Variants in UHRF2 observed in about 807,000 individuals in gnomAD.
UHRF2 encodes the protein E3 ubiquitin-protein ligase UHRF2.
A neutral mutation model predicts 96.8 loss-of-function variants in UHRF2; 23 were observed. That is an observed-to-expected ratio of 0.24 (90% confidence interval 0.17 to 0.34). The LOEUF (loss-of-function observed/expected upper bound fraction) is 0.34, where lower values mean the gene tolerates loss of function less well. Ranked by LOEUF, UHRF2 falls within the 10% of genes least tolerant of loss-of-function variation. The probability of loss-of-function intolerance (pLI) is 1.00; values close to 1 mark genes in which losing one functional copy is unlikely to be tolerated. For missense variants in UHRF2, 685 were observed against 981.5 expected (o/e 0.70, Z 4.04); for synonymous variants, 385 against 332.6 (o/e 1.16, Z -1.72).
intron 3 of UHRF2, among the ~76,000 whole-genome samples, chr9:6,450,134 A>G (rs1205233053): frequency 1.3e-5 from 2 of 152,222 alleles, no homozygotes; most frequent in East Asian, 1.9e-4. Context: ...TGTAACAACA[A>G]ATGTCACATA....
chr9:6,437,888 A>G (rs1216048330), intron 3 of UHRF2, among the ~76,000 whole-genome samples: 2 of 152,156 alleles, frequency 1.3e-5, no homozygotes, highest in Non-Finnish European at 2.9e-5. Flanking sequence ...GCGAGATTAC[A>G]GGTGTGAGCC....
chr9:6,460,613 C>G lies in UHRF2; in HGVS notation c.685C>G (p.Leu229Val). The G allele has an allele frequency of 1.2e-6, 2 of 1,611,430 alleles. No homozygotes were observed. Among genetic ancestry groups the G allele is most frequent in the African/African-American group, 1.3e-5 (1 of 74,978 alleles). ...TACTCTAGAAATGAATGTCAAGGAT[C>G]TTAGACCACGAGCTAGAACCATTTT... ...SGTLEMNVKDLRPRARTILKW... is the reference protein window; with the variant it reads ...SGTLEMNVKDVRPRARTILKW... Residue 229 changes from leucine (L) to valine (V), a missense_variant, in exon 4 of 16, where the codon CTT (leucine) becomes GTT (valine). Leu to Val is a conservative substitution (Grantham distance 32, BLOSUM62 1). Coordinates refer to ENST00000276893, the MANE Select transcript of UHRF2 (RefSeq NM_152896.3).
chr9:6,442,809 G>A (rs981001867), intron 3 of UHRF2, among the ~76,000 whole-genome samples: 1 of 152,086 alleles, frequency 6.6e-6, no homozygotes, highest in African/African-American at 2.4e-5. Flanking sequence ...ACTTCATGAT[G>A]ATATGGTCTA....
intron 6 of UHRF2, among the ~76,000 whole-genome samples, chr9:6,479,468 A>C (rs1587853471): frequency 2.0e-5 from 3 of 151,030 alleles, no homozygotes; most frequent in East Asian, 1.9e-4. Flanking sequence ...ATCCACTCCC[A>C]CCCCCAACCC....
intron 3 of UHRF2, among the ~76,000 whole-genome samples, chr9:6,439,605 T>C (rs550302141): frequency 1.3e-5 from 2 of 152,350 alleles, no homozygotes; most frequent in East Asian, 3.9e-4. Flanking sequence ...TTTTTCTGGA[T>C]TGCTGTTCTA....
At chr9:6,470,475 A>C (rs1414343885) in intron 4 of UHRF2, among the ~76,000 whole-genome samples, 1 of 152,238 alleles carries the variant, frequency 6.6e-6, no homozygotes, top group Non-Finnish European at 1.5e-5. Flanking sequence ...CACCATCAAC[A>C]GACAGGCACT....
At chr9:6,461,529 C>T (rs1204241786) in intron 4 of UHRF2, among the ~76,000 whole-genome samples, 2 of 151,582 alleles carry the variant, frequency 1.3e-5, no homozygotes, top group East Asian at 1.9e-4. Flanking sequence ...TATGACACCA[C>T]GCCCACCTAA....
chr9:6,445,516 C>T (rs1407838333), intron 3 of UHRF2, among the ~76,000 whole-genome samples: 1 of 152,200 alleles, frequency 6.6e-6, no homozygotes, highest in South Asian at 2.1e-4. Flanking sequence ...CTGCCTCGGC[C>T]TCCCAAAGTT....
intron 6 of UHRF2, among the ~76,000 whole-genome samples, chr9:6,480,482 T>G (rs1044107228): frequency 2.0e-5 from 3 of 152,238 alleles, no homozygotes; most frequent in African/African-American, 7.2e-5. Flanking sequence ...GAAGAGTGTT[T>G]TGTATTACTC....
At chr9:6,474,350 G>T (rs1018946426) in intron 4 of UHRF2, among the ~76,000 whole-genome samples, 2 of 152,198 alleles carry the variant, frequency 1.3e-5, no homozygotes, top group Admixed American at 6.5e-5. Flanking sequence ...CTAGAGATAA[G>T]ATATTCAGTA....
At chr9:6,504,472 T>G (rs560143787) in intron 14 of UHRF2, 121 bp from the exon 15 acceptor site, 33 of 619,792 alleles carry the variant, frequency 5.3e-5, no homozygotes, top group Admixed American at 3.7e-4. Flanking sequence ...ATAAACATCT[T>G]TTATGCTGGG....
intron 8 of UHRF2, among the ~76,000 whole-genome samples, chr9:6,485,386 C>CT (rs914939002): frequency 7.9e-5 from 12 of 151,802 alleles, no homozygotes; most frequent in African/African-American, 2.9e-4. Context: ...CTTATATAGT[C>CT]TAAGATGACT....
At chr9:6,421,832 T>G (rs530519532) in intron 2 of UHRF2, among the ~76,000 whole-genome samples, 1 of 152,312 alleles carries the variant, frequency 6.6e-6, no homozygotes, top group African/African-American at 2.4e-5. Flanking sequence ...TTTTTGCTAC[T>G]TACGTATATT....
chr9:6,499,768 G>A (rs1158107670), intron 12 of UHRF2, 67 bp from the exon 13 acceptor site: 2 of 1,050,120 alleles, frequency 1.9e-6, no homozygotes, highest in Non-Finnish European at 2.7e-6. Flanking sequence ...TTCTCACCAG[G>A]ATCTAAACCC....
At chr9:6,495,389 G>A (rs574086480) in intron 10 of UHRF2, 2 of 152,154 alleles carry the variant, frequency 1.3e-5, no homozygotes, top group Non-Finnish European at 2.9e-5. Context: ...TTGTGAATAC[G>A]CCTTGTGATT....
At chr9:6,494,995 T>G (rs1319209417) in intron 10 of UHRF2, 1 of 152,228 alleles carries the variant, frequency 6.6e-6, no homozygotes, top group Non-Finnish European at 1.5e-5. Context: ...GCTATTCTTT[T>G]CTAGCAAGAA....
chr9:6,462,010 AT>A (rs1157814751), intron 4 of UHRF2, among the ~76,000 whole-genome samples: 1 of 151,826 alleles, frequency 6.6e-6, no homozygotes, highest in East Asian at 1.9e-4. Context: ...AAAAAAAAAA[AT>A]AAGAGAAACA....
At chr9:6,413,749 C>T in intron 1 of UHRF2, 106 bp downstream of exon 1, 1 of 1,278,998 alleles carries the variant, frequency 7.8e-7, no homozygotes, top group Non-Finnish European at 1.0e-6. Flanking sequence ...GCAGGGCTCA[C>T]CTGGCTCCGC....
At chr9:6,439,112 T>G (rs1366075011) in intron 3 of UHRF2, among the ~76,000 whole-genome samples, 1 of 152,236 alleles carries the variant, frequency 6.6e-6, no homozygotes, top group Non-Finnish European at 1.5e-5. Context: ...TTGAAATGTT[T>G]TAAAATTTGA....
Sources: gnomAD v4.1 joint callset for allele counts (sites outside exome capture counted in the v4.1 genomes callset) on GRCh38, gnomAD v4.1.1 for gene constraint, MANE v1.5 for transcripts, NCBI Gene and HGNC (gene_info 2026-07-23, HGNC 2026-07-21) for gene names.